NSD1: variants seen among roughly 807,000 people sequenced by gnomAD.
The protein encoded by NSD1 is histone-lysine N-methyltransferase, H3 lysine-36 specific.
A neutral mutation model predicts 242.7 loss-of-function variants in NSD1; 26 were observed. That is an observed-to-expected ratio of 0.11 (90% CI 0.08 to 0.15). The LOEUF (loss-of-function observed/expected upper bound fraction) is 0.15. Among genes scored for constraint, NSD1 ranks in the 10% least tolerant of loss-of-function variants. The probability of loss-of-function intolerance (pLI) is 1.00; values close to 1 mark genes in which losing one functional copy is unlikely to be tolerated. For missense variants in NSD1, 2,495 were observed against 3,272.8 expected, an observed-to-expected ratio of 0.76 and a Z score of 5.80; for synonymous variants, 1,106 against 1,178.1, an observed-to-expected ratio of 0.94 and a Z score of 1.25.
rs556993869 is a variant in NSD1, at chr5:177,294,855, G to T, written c.7487G>T (p.Gly2496Val). 12 of 1,613,020 alleles carry T rather than the reference G, an allele frequency of 7.4e-6. No homozygotes were observed. The highest frequency in any genetic ancestry group is 5.5e-5 in the South Asian group (5 of 91,092). The change falls in exon 23 of 23, where the codon GGT (glycine) becomes GTT (valine). Residue 2496 changes from glycine to valine, a missense_variant. By Grantham distance (109) the Gly-to-Val change is moderately radical. Coordinates refer to ENST00000439151, the MANE Select transcript of NSD1 (RefSeq NM_022455.5). ...TCAAGTTCATGGCCTGCCAGCAAAG[G>T]TCTGGGGCATATGCCGAGAGCTGTT... ...LESSSWPASK[G>V]LGHMPRAVEK...
Position 177,280,616 on chromosome 5 carries a change from A to G in NSD1, c.5674A>G (p.Ile1892Val), listed in dbSNP as rs766115895. 10 of 1,614,232 alleles carry G rather than the reference A, an allele frequency of 6.2e-6. No homozygotes were observed. The highest frequency in any genetic ancestry group is 1.1e-5 in the South Asian group (1 of 91,092). Residue 1892 changes from isoleucine to valine, a missense_variant, in exon 18 of 23, where the codon ATA becomes GTA. Ile to Val is a conservative substitution (Grantham distance 29, BLOSUM62 3). Around this residue, in one of 19 missense-constraint regions of NSD1, gnomAD observed 114 missense variants for 247.4 expected, o/e 0.46. Transcript: ENST00000439151. ...GATCTTCACTGCAGACTTATCTGAA[A>G]TACCCCGTTGCAACTGTAAAGCTAC... ...VQIFTADLSE[I>V]PRCNCKATDE...
intron 3 of NSD1, among the ~76,000 whole-genome samples, chr5:177,194,894 C>T (rs1022153569): frequency 5.9e-5 from 9 of 151,810 alleles, no homozygotes; most frequent in South Asian, 2.1e-4. Flanking sequence ...CGCAGTGGCT[C>T]ACACCTGTAA....
chr5:177,133,728 C>T (rs1045332247), upstream of NSD1: 1 of 146,542 alleles, frequency 6.8e-6, no homozygotes, highest in Non-Finnish European at 1.5e-5. This position sits in a 1 kb window ranked among gnomAD's most constrained non-coding sequence, Gnocchi z 6.2. Context: ...CGCTCGGTCG[C>T]ACGCGCGGCC....
intron 17 of NSD1, among the ~76,000 whole-genome samples, chr5:177,275,191 A>AT (rs1319119053): frequency 6.6e-6 from 1 of 151,898 alleles, no homozygotes; most frequent in African/African-American, 2.4e-5. Flanking sequence ...ATTGAACTAG[A>AT]TGACTTGGAT....
intron 14 of NSD1, 83 bp downstream of exon 14, chr5:177,260,251 A>G: frequency 7.6e-7 from 1 of 1,311,856 alleles, no homozygotes; most frequent in Non-Finnish European, 1.1e-6. Flanking sequence ...ACTTTTCATC[A>G]TATTGCCACT....
intron 3 of NSD1, among the ~76,000 whole-genome samples, chr5:177,203,721 G>GT (rs77210517): frequency 0.21 from 31,652 of 150,222 alleles, 3,788 homozygotes; most frequent in East Asian, 0.44. Context: ...GTTTTCTTGG[G>GT]TTTTTTTTTG....
chr5:177,149,701 T>C (rs1181030169), intron 2 of NSD1, among the ~76,000 whole-genome samples: 1 of 152,108 alleles, frequency 6.6e-6, no homozygotes, highest in East Asian at 1.9e-4. Context: ...CTAGATCCCT[T>C]GCATTTGCAG....
chr5:177,164,870 G>C (rs577088647), intron 2 of NSD1, among the ~76,000 whole-genome samples: 89 of 151,894 alleles, frequency 5.9e-4, no homozygotes, highest in African/African-American at 2.1e-3. Flanking sequence ...TTGAACCCAG[G>C]AGGTGGAGGT....
chr5:177,162,020 G>A (rs116010824), intron 2 of NSD1, among the ~76,000 whole-genome samples: 1 of 151,938 alleles, frequency 6.6e-6, no homozygotes, highest in Non-Finnish European at 1.5e-5. Flanking sequence ...AATTGAGGCC[G>A]GGCGCTGTGG....
At position 177,205,713 on chromosome 5, in the gene NSD1, T is replaced by C. The variant is rs1762818284; in HGVS notation, c.1236+1421T>C. Among the ~76,000 whole-genome samples, 4 of 152,176 alleles carry C rather than the reference T, an allele frequency of 2.6e-5. No homozygotes were observed. The South Asian group carries it at 8.3e-4, about 32-fold the overall frequency. On this transcript the variant is annotated intron_variant, in intron 4 of 22. Coordinates refer to ENST00000439151, the MANE Select transcript of NSD1 (RefSeq NM_022455.5). ...CCTTCTCCCATCACTGTCACCACCA[T>C]TCTACTGTTTGTCTCTATGATTTAA...
intron 10 of NSD1, among the ~76,000 whole-genome samples, chr5:177,247,247 T>TG (rs1345873108): frequency 1.3e-5 from 2 of 152,118 alleles, no homozygotes; most frequent in African/African-American, 4.8e-5. Flanking sequence ...CTCGCCAACA[T>TG]GGTGAAACCT....
chr5:177,257,842 A>ATTTTT (rs1160063323), intron 13 of NSD1, among the ~76,000 whole-genome samples: 1,876 of 143,060 alleles, frequency 0.013, 74 homozygotes, highest in East Asian at 0.098. Flanking sequence ...ATTTTATTTT[A>ATTTTT]TTTTTTTTTG....
chr5:177,156,174 ATTTTTTTT>A (rs34417228), intron 2 of NSD1, among the ~76,000 whole-genome samples: 4 of 78,018 alleles, frequency 5.1e-5, no homozygotes, highest in East Asian at 4.4e-4. Flanking sequence ...CTCTTTTCAG[ATTTTTTTT>A]TTTTTTTTTT....
chr5:177,179,237 CAG>C (rs1445098512), intron 2 of NSD1, among the ~76,000 whole-genome samples: 1 of 151,988 alleles, frequency 6.6e-6, no homozygotes, highest in Non-Finnish European at 1.5e-5. Flanking sequence ...TTTTTTGAGA[CAG>C]AGTTTCACTC....
intron 2 of NSD1, among the ~76,000 whole-genome samples, chr5:177,137,807 A>T (rs1335013182): frequency 6.6e-6 from 1 of 151,932 alleles, no homozygotes; most frequent in African/African-American, 2.4e-5. Flanking sequence ...ATGAAGGCTG[A>T]GTGTGGTGGC....
At chr5:177,154,916 G>A (rs761604529) in intron 2 of NSD1, among the ~76,000 whole-genome samples, 11 of 151,702 alleles carry the variant, frequency 7.3e-5, no homozygotes, top group South Asian at 2.1e-4. Flanking sequence ...GGCTGGTCTC[G>A]AACTCCTGAC....
intron 2 of NSD1, among the ~76,000 whole-genome samples, chr5:177,177,540 A>G (rs964373013): frequency 6.6e-6 from 1 of 151,932 alleles, no homozygotes; most frequent in Admixed American, 6.6e-5. Context: ...AACAAAACAA[A>G]AAAACAGCAA....
chr5:177,252,794 TCC>T (rs535104242), intron 12 of NSD1, among the ~76,000 whole-genome samples: 2 of 131,874 alleles, frequency 1.5e-5, no homozygotes, highest in Non-Finnish European at 3.1e-5. Context: ...GCTCTCTCTC[TCC>T]CTTTTTTTTT....
chr5:177,196,105 G>T (rs890095567), intron 3 of NSD1, among the ~76,000 whole-genome samples: 4 of 152,154 alleles, frequency 2.6e-5, no homozygotes, highest in African/African-American at 4.8e-5. Context: ...GATGAGTTGG[G>T]AGTTAACTAG....
Sources: allele counts gnomAD v4.1 joint callset (sites outside exome capture counted in the v4.1 genomes callset), GRCh38; gene constraint gnomAD v4.1.1; regional missense constraint gnomAD v4.1.1; non-coding constraint Gnocchi (gnomAD v3.1); transcripts MANE v1.5; gene names NCBI Gene and HGNC (gene_info 2026-07-23, HGNC 2026-07-21).